The following MUSK variants were observed in gnomAD, a reference collection of about 807,000 sequenced individuals.
The protein encoded by MUSK is muscle, skeletal receptor tyrosine-protein kinase.
MUSK carries 55 observed loss-of-function variants against 88.7 expected under a neutral mutation model. The observed-to-expected ratio is 0.62, with a 90% confidence interval of 0.50 to 0.78. MUSK has a LOEUF of 0.78. Among genes scored for constraint, MUSK ranks in the 30% least tolerant of loss-of-function variants. The probability of loss-of-function intolerance (pLI) is 0.00; values close to 1 mark genes in which losing one functional copy is unlikely to be tolerated. For missense variants in MUSK, 1,015 were observed against 1,074.3 expected (o/e 0.94, Z 0.77); for synonymous variants, 387 against 391.9 (o/e 0.99, Z 0.15).
intron 9 of MUSK, among the ~76,000 whole-genome samples, chr9:110,769,932 G>C (rs1444638430): frequency 6.6e-6 from 1 of 152,028 alleles, no homozygotes; most frequent in Non-Finnish European, 1.5e-5. Context: ...GACAGCCATT[G>C]TGGTTTTCTG....
chr9:110,673,634 A>T lies in MUSK; in HGVS notation c.79+4651A>T, dbSNP rs540453712. Among the ~76,000 whole-genome samples, 31 of 152,228 alleles carry T rather than the reference A, an allele frequency of 2.0e-4. 1 individual carries two copies. The South Asian group carries it at 6.2e-3, about 31-fold the overall frequency. The stretch of plus-strand genomic sequence containing the variant: ...AGACATTCTAAGACTCACTTCTTTG[A>T]TCTTAACTGATCTCAACAGTTCATG... On this transcript the variant is annotated intron_variant, in intron 1 of 14. Transcript: ENST00000374448.
intron 14 of MUSK, among the ~76,000 whole-genome samples, chr9:110,799,919 T>C (rs2078065327): frequency 6.6e-6 from 1 of 152,020 alleles, no homozygotes; most frequent in Admixed American, 6.6e-5. Context: ...TCAACCATGG[T>C]GTTGTCAACA....
intron 3 of MUSK, among the ~76,000 whole-genome samples, chr9:110,689,849 T>A (rs539051822): frequency 6.4e-5 from 5 of 78,708 alleles, no homozygotes; most frequent in Non-Finnish European, 1.2e-4. Flanking sequence ...TATATATTTA[T>A]ATATAACTAT....
At position 110,668,980 on chromosome 9, in the gene MUSK, A is replaced by G; in HGVS notation, c.76A>G (p.Lys26Glu). The G allele has an allele frequency of 1.2e-6, 2 of 1,613,226 alleles. No homozygotes were observed. The highest frequency in any genetic ancestry group is 8.5e-7 in the Non-Finnish European group (1 of 1,179,258). Residue 26 changes from lysine to glutamate, a missense_variant, in exon 1 of 15, where the codon AAA (lysine) becomes GAA (glutamate). By Grantham distance (56) the Lys-to-Glu change is moderately conservative (BLOSUM62 1). Coordinates refer to ENST00000374448, the MANE Select transcript of MUSK (RefSeq NM_005592.4). Reference protein sequence around the residue: ...VAFSGTEKLPKAPVITTPLET... With the variant: ...VAFSGTEKLPEAPVITTPLET... ...CTTCAGCGGAACTGAGAAACTTCCA[A>G]AAGGTTGGTTTGAGCAATCGTGTCT... is the stretch of plus-strand genomic sequence containing the variant.
chr9:110,725,968 G>A (rs543003885), intron 5 of MUSK, among the ~76,000 whole-genome samples: 1 of 152,064 alleles, frequency 6.6e-6, no homozygotes, highest in African/African-American at 2.4e-5. Context: ...TACTGTTTGA[G>A]CTCGAAATGA....
At chr9:110,715,040 G>C (rs906206703) in intron 5 of MUSK, among the ~76,000 whole-genome samples, 2 of 149,548 alleles carry the variant, frequency 1.3e-5, no homozygotes, top group Non-Finnish European at 2.9e-5. Context: ...ACCGGAAAAG[G>C]GTACTTAACA....
At chr9:110,757,742 GATT>G (rs2077345490) in intron 7 of MUSK, among the ~76,000 whole-genome samples, 1 of 151,010 alleles carries the variant, frequency 6.6e-6, no homozygotes, top group Non-Finnish European at 1.5e-5. Flanking sequence ...CGAACCTTTT[GATT>G]ATTATTGTCT....
At chr9:110,758,817 C>T (rs914977467) in intron 7 of MUSK, among the ~76,000 whole-genome samples, 3 of 152,124 alleles carry the variant, frequency 2.0e-5, no homozygotes, top group African/African-American at 7.2e-5. Context: ...TCACGATTGC[C>T]ACAAAAGAAT....
intron 5 of MUSK, among the ~76,000 whole-genome samples, chr9:110,699,168 A>T (rs1047485418): frequency 6.6e-6 from 1 of 152,160 alleles, no homozygotes; most frequent in South Asian, 2.1e-4. Flanking sequence ...ATTTTGTATC[A>T]TGCCTGTCAG....
intron 3 of MUSK, 34 bp from the exon 4 acceptor site, chr9:110,695,369 G>T: frequency 7.2e-7 from 1 of 1,394,634 alleles, no homozygotes; most frequent in Non-Finnish European, 9.7e-7. Flanking sequence ...AAGCCATATT[G>T]CCTTATTTAT....
intron 3 of MUSK, among the ~76,000 whole-genome samples, chr9:110,692,638 T>A (rs1051063384): frequency 3.3e-5 from 5 of 152,136 alleles, no homozygotes; most frequent in East Asian, 3.8e-4. Flanking sequence ...TTCTTCATAT[T>A]ATGAATGTGG....
chr9:110,697,334 C>G lies in MUSK; in HGVS notation c.496C>G (p.Arg166Gly). The G allele has an allele frequency of 6.2e-7, 1 of 1,612,000 alleles. No homozygotes were observed. The highest frequency in any genetic ancestry group is 1.1e-5 in the South Asian group (1 of 90,688). Residue 166 changes from arginine to glycine, a missense_variant, in exon 5 of 15, where the codon CGA becomes GGA. Arg to Gly is a moderately radical substitution (Grantham distance 125). Transcript: ENST00000374448. ...KGDSPLRENSRIAVLESGSLR... is the reference protein window; with the variant it reads ...KGDSPLRENSGIAVLESGSLR... ...TCCCTATCTCTGGCAGGAAAATTCC[C>G]GAATTGCAGTTCTTGAATCTGGGAG...
chr9:110,705,982 A>G, intron 5 of MUSK: 3 of 414,270 alleles, frequency 7.2e-6, no homozygotes, highest in Admixed American at 2.9e-5. Flanking sequence ...TCTGGGTTAC[A>G]TCTCATCATT....
chr9:110,779,706 A>G (rs2077723161), intron 11 of MUSK, among the ~76,000 whole-genome samples: 1 of 152,180 alleles, frequency 6.6e-6, no homozygotes, highest in Non-Finnish European at 1.5e-5. Flanking sequence ...CATGACATTA[A>G]TAGCCCTTCT....
intron 5 of MUSK, among the ~76,000 whole-genome samples, chr9:110,733,931 T>C (rs1019388769): frequency 2.0e-5 from 3 of 152,052 alleles, no homozygotes; most frequent in South Asian, 2.1e-4. Flanking sequence ...TGAGAAAATG[T>C]CACTTAAACA....
At chr9:110,754,938 T>C (rs2077292517) in intron 7 of MUSK, among the ~76,000 whole-genome samples, 1 of 152,244 alleles carries the variant, frequency 6.6e-6, no homozygotes, top group African/African-American at 2.4e-5. Context: ...AAATTCTCTC[T>C]AATTTATAAT....
In MUSK at chr9:110,801,251, A is replaced by ACCACCGAGATC; in HGVS notation, c.*263_*264insCCACCGAGATC. 1 of 343,204 alleles carries ACCACCGAGATC rather than the reference A, an allele frequency of 2.9e-6. No individual in the cohort carries two copies. Among genetic ancestry groups the ACCACCGAGATC allele is most frequent in the Non-Finnish European group, 5.3e-6 (1 of 189,214 alleles). The allele number at this position is 343,204 out of a possible 1,614,324, so 21.3% of individuals were successfully genotyped here. ...CTATTCTTCTTCATGAAGGTTTGTA[A>ACCACCGAGATC]TACACACTGCACAGGGAAGAATGTC... On this transcript the variant is annotated 3_prime_UTR_variant, in exon 15 of 15. Coordinates refer to ENST00000374448, the MANE Select transcript of MUSK (RefSeq NM_005592.4).
Position 110,759,420 on chromosome 9 carries a change from A to C in MUSK, c.914-2782A>C, listed in dbSNP as rs1276137000. Among the ~76,000 whole-genome samples, 7 of 152,338 alleles carry C rather than the reference A, an allele frequency of 4.6e-5. No individual in the cohort carries two copies. The East Asian group carries it at 9.6e-4, about 21-fold the overall frequency. On this transcript the variant is annotated intron_variant, in intron 7 of 14. Coordinates refer to ENST00000374448, the MANE Select transcript of MUSK (RefSeq NM_005592.4). ...ATTTTGGCCATAGGAACTGGCAAAA[A>C]TTTCATGATGAAAATGCCAAAAGCA...
rs183338521 is a variant in MUSK at position 110,741,858 on chromosome 9, A to G, written c.754-5783A>G. ...GGTTGTAAATGCCCCTCTTTAGTTA[A>G]TGTGATTTTGGGGTCCGTTTACAAC... On this transcript the variant is annotated intron_variant, in intron 6 of 14. Coordinates refer to ENST00000374448, the MANE Select transcript of MUSK (RefSeq NM_005592.4). Among the ~76,000 whole-genome samples, 689 of 152,128 alleles carry G rather than the reference A, an allele frequency of 4.5e-3. 4 individuals are homozygous for G. The highest frequency in any genetic ancestry group is 5.9e-3 in the Non-Finnish European group (398 of 68,000).
Sources: allele counts gnomAD v4.1 joint callset (sites outside exome capture counted in the v4.1 genomes callset), GRCh38; gene constraint gnomAD v4.1.1; transcripts MANE v1.5; gene names NCBI Gene and HGNC (gene_info 2026-07-23, HGNC 2026-07-21).